Variants in GSE1 observed in about 807,000 individuals in gnomAD.
The protein encoded by GSE1 is genetic suppressor element 1.
In GSE1, 32 loss-of-function variants were observed where a neutral mutation model predicts 112.6. The ratio of observed to expected loss-of-function variants is 0.28; its 90% CI spans 0.21 to 0.38. The LOEUF (loss-of-function observed/expected upper bound fraction) is 0.38, where lower values mean the gene tolerates loss of function less well. Ranked by LOEUF, GSE1 falls within the 10% of genes least tolerant of loss-of-function variation. GSE1 has a pLI of 1.00. For missense variants in GSE1, 2,348 were observed against 1,699.2 expected (o/e 1.38, Z -6.71); for synonymous variants, 1,115 against 735.6 (o/e 1.52, Z -8.35).
At chr16:85,668,771 G>T (rs925292346) in intron 14 of GSE1, among the ~76,000 whole-genome samples, 1 of 152,214 alleles carries the variant, frequency 6.6e-6, no homozygotes, top group East Asian at 1.9e-4. Context: ...GATTTGCTGA[G>T]CCCTGGCAGC....
intron 2 of GSE1, among the ~76,000 whole-genome samples, chr16:85,471,952 T>G (rs1306404599): frequency 6.6e-6 from 1 of 152,236 alleles, no homozygotes; most frequent in East Asian, 1.9e-4. Flanking sequence ...GATGAGTGTT[T>G]ACACCTTAAG....
At chr16:85,638,741 A>T (rs1281490641) in intron 2 of GSE1, among the ~76,000 whole-genome samples, 4 of 127,158 alleles carry the variant, frequency 3.1e-5, no homozygotes, top group African/African-American at 1.2e-4. Flanking sequence ...TGCCTCCCCT[A>T]CCCCTCCACC....
At chr16:85,299,754 T>C (rs1382878978) in intron 1 of GSE1, among the ~76,000 whole-genome samples, 1 of 152,036 alleles carries the variant, frequency 6.6e-6, no homozygotes, top group Non-Finnish European at 1.5e-5. Context: ...ATAGTGGGAC[T>C]CTGTCTCTAT....
At chr16:85,188,892 T>C (rs1166482135) in intron 1 of GSE1, among the ~76,000 whole-genome samples, 2 of 152,196 alleles carry the variant, frequency 1.3e-5, no homozygotes, top group Admixed American at 1.3e-4. Flanking sequence ...ACATTCACCT[T>C]TCTTAACCCT....
intron 3 of GSE1, among the ~76,000 whole-genome samples, chr16:85,651,110 T>C (rs1044766101): frequency 3.3e-4 from 38 of 115,520 alleles, no homozygotes; most frequent in African/African-American, 1.2e-3. Context: ...TCTTTCATCG[T>C]TGCAGCTGCG....
At position 85,546,112 on chromosome 16, in the gene GSE1, T is replaced by C. The variant is rs534820427; in HGVS notation, c.2465-87802T>C. Among the ~76,000 whole-genome samples, 4 of 145,522 alleles carry C rather than the reference T, an allele frequency of 2.7e-5. No homozygotes were observed. In the East Asian group the frequency reaches 8.3e-4, roughly 30 times the overall value. The stretch of plus-strand genomic sequence containing the variant: ...TAGTTTTTTATTTTTCTTGAGACAG[T>C]CTAGCTCTGTTGCCCAGGCTAGAGT... On this transcript the variant is annotated intron_variant, in intron 2 of 2. Transcript: ENST00000637419.
intron 1 of GSE1, among the ~76,000 whole-genome samples, chr16:85,313,855 A>T (rs1396493102): frequency 6.6e-6 from 1 of 152,108 alleles, no homozygotes; most frequent in Non-Finnish European, 1.5e-5. Context: ...AGGCCGGAGG[A>T]CCCAAGATAC....
chr16:85,605,741 G>C (rs946460208), intron 1 of GSE1, among the ~76,000 whole-genome samples: 6 of 151,992 alleles, frequency 3.9e-5, no homozygotes, highest in African/African-American at 1.5e-4. Flanking sequence ...GGGTTAACAC[G>C]TCTGGCCCCA....
At chr16:85,598,191 T>TTC (rs1268040446) in intron 1 of GSE1, among the ~76,000 whole-genome samples, 5 of 140,932 alleles carry the variant, frequency 3.5e-5, no homozygotes, top group African/African-American at 8.8e-5. Flanking sequence ...TTTTTTTTTT[T>TTC]CACTTTCTCA....
intron 2 of GSE1, among the ~76,000 whole-genome samples, chr16:85,450,201 A>C (rs2049636038): frequency 7.9e-6 from 1 of 126,644 alleles, no homozygotes; most frequent in East Asian, 2.4e-4. Flanking sequence ...GGCTCACCAC[A>C]ACCTCCACCT....
intron 2 of GSE1, among the ~76,000 whole-genome samples, chr16:85,639,003 C>G (rs76980809): frequency 3.9e-5 from 6 of 152,158 alleles, no homozygotes; most frequent in Non-Finnish European, 7.3e-5. Context: ...CCGGGCCCCA[C>G]GCAGAACATT....
Position 85,672,435 on chromosome 16 carries a change from T to A in GSE1, c.3550T>A (p.Ser1184Thr). 6.2e-7 allele frequency: 1 copy of A among 1,612,106 alleles called. No homozygotes were observed. The highest frequency in any genetic ancestry group is 8.5e-7 in the Non-Finnish European group (1 of 1,178,534). ...GAGGAGCCAGAAACAGAAGATGGTCTCAGAAAGGGAGCGGCTCCAGGCAGA... is the reference window on the plus strand; with the variant it reads ...GAGGAGCCAGAAACAGAAGATGGTCACAGAAAGGGAGCGGCTCCAGGCAGA... ...ELRSQKQKMV[S>T]ERERLQAELD... Residue 1184 changes from serine (S) to threonine (T), a missense_variant, in exon 16 of 16, where the codon TCA becomes ACA. Physicochemically the swap from Ser to Thr is moderately conservative, Grantham distance 58. Transcript: ENST00000253458.
intron 2 of GSE1, among the ~76,000 whole-genome samples, chr16:85,436,704 G>A (rs1315532051): frequency 1.3e-5 from 2 of 152,240 alleles, no homozygotes; most frequent in East Asian, 1.9e-4. Context: ...CGAAGGGCCC[G>A]TGGGCGCCTG....
At chr16:85,340,967 A>C (rs868226987) in intron 1 of GSE1, among the ~76,000 whole-genome samples, 2 of 152,244 alleles carry the variant, frequency 1.3e-5, no homozygotes, top group African/African-American at 2.4e-5. Context: ...GGCAGTGTCT[A>C]CCTCACAGGC....
In GSE1 at chr16:85,545,771, G is replaced by GGTTT. The variant is rs566380480; in HGVS notation, c.2465-88118_2465-88115dup. Among the ~76,000 whole-genome samples the GGTTT allele has an allele frequency of 4.6e-3, 691 of 151,390 alleles. 4 individuals carry two copies. Among genetic ancestry groups the GGTTT allele is most frequent in the South Asian group, 8.3e-3 (39 of 4,724 alleles). ...GTATGTGTTGTTAGTTTGTTTTTTT[G>GGTTT]GTTTGTTTGTTTGTTTGTTTGTTTG... is the stretch of plus-strand genomic sequence containing the variant. On this transcript the variant is annotated intron_variant, in intron 2 of 2. Coordinates refer to the GSE1 transcript ENST00000637419.
At chr16:85,339,647 G>A (rs1438153051) in intron 1 of GSE1, among the ~76,000 whole-genome samples, 3 of 135,056 alleles carry the variant, frequency 2.2e-5, no homozygotes, top group Non-Finnish European at 3.2e-5. Context: ...GGCGGCGGGC[G>A]CAGGGTGGGG....
intron 1 of GSE1, chr16:85,171,824 A>G (rs2074362912): frequency 1.0e-6 from 1 of 981,398 alleles, no homozygotes; most frequent in African/African-American, 1.7e-5. Context: ...AGCAGTTTTC[A>G]TCTCATCTTA....
rs1207121711 is a variant in GSE1 at position 85,327,192 on chromosome 16, C to G, written c.2284-30271C>G. Among the ~76,000 whole-genome samples the G allele has an allele frequency of 2.0e-5, 3 of 152,200 alleles. 1 individual carries two copies. Among genetic ancestry groups the G allele is most frequent in the Non-Finnish European group, 4.4e-5 (3 of 68,032 alleles). ...TGTCCCAAAAGAAAGAGCTGGATTA[C>G]TTTTATGATCTGGCCTCCAAAGCCA... On this transcript the variant is annotated intron_variant, in intron 1 of 2. Coordinates refer to the GSE1 transcript ENST00000637419.
At position 85,654,172 on chromosome 16, in the gene GSE1, A is replaced by G. The variant is rs796354360; in HGVS notation, c.427-106A>G. 6.1e-5 allele frequency: 62 copies of G among 1,016,434 alleles called. 1 individual carries two copies. The South Asian group carries it at 9.0e-4, about 15-fold the overall frequency. The allele number at this position is 1,016,434 out of a possible 1,614,324, so 63.0% of individuals were successfully genotyped here. On this transcript the variant is annotated intron_variant, in intron 3 of 15. Coordinates refer to ENST00000253458, the MANE Select transcript of GSE1 (RefSeq NM_014615.5). ...CTTAGGGAAAGGATGTTTCTAGAACATGAACTAAATCTAGCGCCTTCCCGT... is the reference window on the plus strand; with the variant it reads ...CTTAGGGAAAGGATGTTTCTAGAACGTGAACTAAATCTAGCGCCTTCCCGT...
Sources: allele counts gnomAD v4.1 joint callset (sites outside exome capture counted in the v4.1 genomes callset), GRCh38; gene constraint gnomAD v4.1.1; transcripts MANE v1.5; gene names NCBI Gene and HGNC (gene_info 2026-07-23, HGNC 2026-07-21).